Variants in NRXN1 observed in about 807,000 individuals in gnomAD.
NRXN1 encodes neurexin 1, also known as neurexin-1.
NRXN1 carries 39 observed loss-of-function variants against 150.9 expected under a neutral mutation model. The observed-to-expected ratio is 0.26, with a 90% CI of 0.20 to 0.34. The LOEUF is 0.34. Among genes scored for constraint, NRXN1 ranks in the 10% least tolerant of loss-of-function variants. NRXN1 has a pLI of 1.00. For missense variants in NRXN1, 1,815 were observed against 1,949.9 expected, an observed-to-expected ratio of 0.93 and a Z score of 1.30; for synonymous variants, 924 against 757.0, an observed-to-expected ratio of 1.22 and a Z score of -3.62.
intron 21 of NRXN1, among the ~76,000 whole-genome samples, chr2:50,044,888 T>TA (rs943774781): frequency 4.6e-5 from 7 of 152,126 alleles, no homozygotes; most frequent in Admixed American, 1.3e-4. Context: ...TATAGCATGG[T>TA]AAAAAAAATA....
At chr2:50,731,456 T>TTAAAAATAAATA (rs1350977739) in intron 5 of NRXN1, among the ~76,000 whole-genome samples, 4 of 151,904 alleles carry the variant, frequency 2.6e-5, no homozygotes, top group Non-Finnish European at 5.9e-5. Context: ...TAAATCAGAG[T>TTAAAAATAAATA]CAGAAAAAAA....
intron 17 of NRXN1, among the ~76,000 whole-genome samples, chr2:50,237,529 T>C (rs2152880508): frequency 6.6e-6 from 1 of 151,892 alleles, no homozygotes; most frequent in African/African-American, 2.4e-5. Flanking sequence ...AAAATACAGA[T>C]AATAGATGTC....
At chr2:50,189,534 T>A (rs1412385839) in intron 18 of NRXN1, among the ~76,000 whole-genome samples, 2 of 152,030 alleles carry the variant, frequency 1.3e-5, no homozygotes, top group Non-Finnish European at 2.9e-5. Flanking sequence ...AGTGGTAAAA[T>A]AAAATGAAAA....
At chr2:50,284,457 G>C (rs961413944) in intron 17 of NRXN1, among the ~76,000 whole-genome samples, 10 of 152,146 alleles carry the variant, frequency 6.6e-5, no homozygotes, top group Admixed American at 5.9e-4. Context: ...ATGACACTTA[G>C]GATGGTTTTA....
At chr2:50,967,479 A>G (rs1694289091) in intron 2 of NRXN1, among the ~76,000 whole-genome samples, 2 of 152,022 alleles carry the variant, frequency 1.3e-5, no homozygotes, top group African/African-American at 4.8e-5. Context: ...TCTTATTTAA[A>G]ACTTTAGTAT....
At chr2:50,654,491 T>C (rs557699423) in intron 5 of NRXN1, among the ~76,000 whole-genome samples, 94 of 152,038 alleles carry the variant, frequency 6.2e-4, no homozygotes, top group Admixed American at 1.7e-3. Context: ...AATAAACATA[T>C]GTGTGCATGT....
chr2:51,017,452 C>T (rs938294609), intron 2 of NRXN1, among the ~76,000 whole-genome samples: 3 of 146,168 alleles, frequency 2.1e-5, no homozygotes, highest in Non-Finnish European at 4.5e-5. Context: ...CTTCACACCT[C>T]AGCCTCCTGA....
chr2:50,587,162 G>A (rs115564509), intron 8 of NRXN1, among the ~76,000 whole-genome samples: 3,082 of 152,292 alleles, frequency 0.02, 44 homozygotes, highest in East Asian at 0.063. Flanking sequence ...AGTGAGCCTC[G>A]ATTTCCTCAT....
chr2:50,025,964 A>G (rs1413678582), intron 21 of NRXN1, among the ~76,000 whole-genome samples: 1 of 152,200 alleles, frequency 6.6e-6, no homozygotes, highest in African/African-American at 2.4e-5. Flanking sequence ...AAGATTTTAT[A>G]ATAACTTCTT....
intron 17 of NRXN1, among the ~76,000 whole-genome samples, chr2:50,392,902 T>G (rs1025889977): frequency 6.6e-6 from 1 of 152,076 alleles, no homozygotes; most frequent in Non-Finnish European, 1.5e-5. Flanking sequence ...GAAGATTGCC[T>G]GAGCCCAGGA....
chr2:50,272,056 T>A (rs2069746974), intron 17 of NRXN1, among the ~76,000 whole-genome samples: 1 of 152,028 alleles, frequency 6.6e-6, no homozygotes, highest in Non-Finnish European at 1.5e-5. Flanking sequence ...GTGCTTGGAA[T>A]TGGGGAAATG....
intron 5 of NRXN1, among the ~76,000 whole-genome samples, chr2:50,732,245 C>G (rs1283824544): frequency 1.3e-5 from 2 of 151,764 alleles, no homozygotes; most frequent in Admixed American, 1.3e-4. Flanking sequence ...AAGAAAAAAA[C>G]TAAGTAAAAA....
chr2:50,155,588 C>A (rs190040796), intron 18 of NRXN1, among the ~76,000 whole-genome samples: 56 of 151,614 alleles, frequency 3.7e-4, no homozygotes, highest in Admixed American at 3.6e-3. Flanking sequence ...AAAAACAATA[C>A]AAGTTTAAAG....
chr2:49,948,862 A>G lies in NRXN1; in HGVS notation c.4129-5071T>C, dbSNP rs79213729. Among the ~76,000 whole-genome samples, 588 of 152,026 alleles carry G rather than the reference A, an allele frequency of 3.9e-3. 4 individuals are homozygous for G. Among genetic ancestry groups the G allele is most frequent in the African/African-American group, 0.014 (561 of 41,528 alleles). ...GACAGAAGCGTGATCAAGCAGAAGC[A>G]TTAGCTTTACATAACAGTCCATTTA... On this transcript the variant is annotated intron_variant, in intron 21 of 22. Transcript: ENST00000401669.
At chr2:50,258,795 A>G (rs2067968662) in intron 17 of NRXN1, among the ~76,000 whole-genome samples, 1 of 152,064 alleles carries the variant, frequency 6.6e-6, no homozygotes, top group South Asian at 2.1e-4. Context: ...CTTGGGTTAT[A>G]AAATAGAAGT....
At chr2:50,675,956 T>TA (rs911959084) in intron 5 of NRXN1, among the ~76,000 whole-genome samples, 2 of 151,992 alleles carry the variant, frequency 1.3e-5, no homozygotes, top group African/African-American at 4.8e-5. Flanking sequence ...TCATTAATAA[T>TA]AAAAAAATCA....
intron 18 of NRXN1, among the ~76,000 whole-genome samples, chr2:50,163,185 T>TATATATATATATAA (rs1491359354): frequency 1.4e-5 from 2 of 146,410 alleles, no homozygotes; most frequent in Non-Finnish European, 3.0e-5. Flanking sequence ...TATATATATA[T>TATATATATATATAA]AAAACAATAC....
chr2:50,752,836 T>A (rs886835688), intron 5 of NRXN1, among the ~76,000 whole-genome samples: 14 of 151,944 alleles, frequency 9.2e-5, no homozygotes, highest in African/African-American at 3.1e-4. Flanking sequence ...CTGGTGATAA[T>A]TTGGTGATTT....
chr2:50,930,832 A>G (rs1687632659), intron 2 of NRXN1, among the ~76,000 whole-genome samples: 1 of 152,084 alleles, frequency 6.6e-6, no homozygotes, highest in Non-Finnish European at 1.5e-5. Context: ...CTTATCACAT[A>G]CCCTCCCAAC....
Sources: gnomAD v4.1 joint callset for allele counts (sites outside exome capture counted in the v4.1 genomes callset) on GRCh38, gnomAD v4.1.1 for gene constraint, MANE v1.5 for transcripts, NCBI Gene and HGNC (gene_info 2026-07-23, HGNC 2026-07-21) for gene names.